PDZD8: variants seen among roughly 807,000 people sequenced by gnomAD.
PDZD8 encodes PDZ domain-containing protein 8.
PDZD8 carries 14 observed loss-of-function variants against 85.8 expected under a neutral mutation model. The observed-to-expected ratio is 0.16, with a 90% CI of 0.11 to 0.26. The LOEUF is 0.26. Among genes scored for constraint, PDZD8 ranks in the 10% least tolerant of loss-of-function variants. The pLI, the probability that PDZD8 is intolerant of heterozygous loss-of-function variation, is 1.00. For missense variants in PDZD8, 1,197 were observed against 1,424.3 expected, an observed-to-expected ratio of 0.84 and a Z score of 2.57; for synonymous variants, 592 against 568.6, an observed-to-expected ratio of 1.04 and a Z score of -0.59.
intron 3 of PDZD8, among the ~76,000 whole-genome samples, chr10:117,296,477 G>A (rs1240385438): frequency 1.3e-5 from 2 of 152,016 alleles, no homozygotes; most frequent in African/African-American, 2.4e-5. Context: ...ATCCCTGCAG[G>A]CATTTAGAGA....
intron 2 of PDZD8, among the ~76,000 whole-genome samples, chr10:117,326,491 C>G (rs935968995): frequency 5.9e-5 from 9 of 152,346 alleles, no homozygotes; most frequent in African/African-American, 1.9e-4. Context: ...CTTGCTTAAG[C>G]TTTCCTCTTT....
At chr10:117,333,117 CAAAAA>C (rs752527474) in intron 2 of PDZD8, among the ~76,000 whole-genome samples, 3 of 7,264 alleles carry the variant, frequency 4.1e-4, no homozygotes, top group East Asian at 2.6e-3. Flanking sequence ...GACTCTGTCT[CAAAAA>C]AAAAAAAAAA....
At chr10:117,348,162 T>A (rs1844741156) in intron 1 of PDZD8, among the ~76,000 whole-genome samples, 1 of 152,154 alleles carries the variant, frequency 6.6e-6, no homozygotes, top group South Asian at 2.1e-4. Flanking sequence ...TACCCAGAAA[T>A]AATTTTTCTT....
chr10:117,304,702 G>C (rs926136195), intron 3 of PDZD8, among the ~76,000 whole-genome samples: 10 of 152,128 alleles, frequency 6.6e-5, no homozygotes, highest in African/African-American at 2.4e-4. Context: ...ATAGCAAATA[G>C]TCTCAAGAGA....
In PDZD8 at chr10:117,285,144, G is replaced by A; in HGVS notation, c.1589C>T (p.Ser530Phe). The A allele has an allele frequency of 1.2e-6, 2 of 1,614,104 alleles. No homozygotes were observed. The highest frequency in any genetic ancestry group is 1.7e-6 in the Non-Finnish European group (2 of 1,179,954). ...HSPKRVPTTLSIKPLGAISPV... is the reference protein window; with the variant it reads ...HSPKRVPTTLFIKPLGAISPV... ...TGATATAGCTCCAAGGGGTTTAATAGAAAGTGTTGTTGGAACACGTTTGGG... is the reference window on the plus strand; with the variant it reads ...TGATATAGCTCCAAGGGGTTTAATAAAAAGTGTTGTTGGAACACGTTTGGG... The change falls in exon 5 of 5, where the codon TCT (serine) becomes TTT (phenylalanine). Residue 530 changes from serine (S) to phenylalanine (F), a missense_variant. By Grantham distance (155) the Ser-to-Phe change is radical. Transcript: ENST00000334464.
At position 117,283,185 on chromosome 10, in the gene PDZD8, C is replaced by G. The variant is rs575465203; in HGVS notation, c.*83G>C. On this transcript the variant is annotated 3_prime_UTR_variant, in exon 5 of 5. Coordinates refer to ENST00000334464, the MANE Select transcript of PDZD8 (RefSeq NM_173791.5). ...CTGGAGAAGCAGGCCAGAGTGCATA[C>G]GAGGATTTAAACATGGTTGTATCTG... The G allele has an allele frequency of 7.3e-7, 1 of 1,378,062 alleles. No homozygotes were observed. The highest frequency in any genetic ancestry group is 2.3e-5 in the East Asian group (1 of 43,454). 85.4% of individuals were successfully genotyped at this position (1,378,062 alleles called of 1,614,324 possible).
intron 1 of PDZD8, among the ~76,000 whole-genome samples, chr10:117,344,536 C>T (rs937808086): frequency 5.3e-5 from 8 of 152,080 alleles, no homozygotes; most frequent in African/African-American, 9.7e-5. Flanking sequence ...TACAGGCGCC[C>T]ACCACCACAC....
At chr10:117,349,245 C>T (rs1249533389) in intron 1 of PDZD8, among the ~76,000 whole-genome samples, 1 of 151,680 alleles carries the variant, frequency 6.6e-6, no homozygotes, top group Admixed American at 6.6e-5. Flanking sequence ...AAGGAAATCT[C>T]CAAGAAATAA....
intron 3 of PDZD8, among the ~76,000 whole-genome samples, chr10:117,309,886 T>C (rs993111171): frequency 1.1e-4 from 16 of 152,154 alleles, no homozygotes; most frequent in Admixed American, 9.8e-4. Flanking sequence ...ACTAAGGTCA[T>C]GCTGGAAAAA....
At position 117,304,133 on chromosome 10, in the gene PDZD8, T is replaced by C. The variant is rs538881032; in HGVS notation, c.1099-13785A>G. Among the ~76,000 whole-genome samples, 107 of 152,048 alleles carry C rather than the reference T, an allele frequency of 7.0e-4. 1 individual carries two copies. In the South Asian group the frequency reaches 0.017, roughly 24 times the overall value. ...CCCATGAAAACAGCTGTGAGGGAGA[T>C]TGTACCCTGTAAAGCCACAGAGGTG... is the stretch of plus-strand genomic sequence containing the variant. On this transcript the variant is annotated intron_variant, in intron 3 of 4. Coordinates refer to ENST00000334464, the MANE Select transcript of PDZD8 (RefSeq NM_173791.5).
rs1468919567 is a variant in PDZD8, at chr10:117,324,123, G to A, written c.996-5149C>T. Among the ~76,000 whole-genome samples, 6 of 145,650 alleles carry A rather than the reference G, an allele frequency of 4.1e-5. No individual in the cohort carries two copies. The South Asian group carries it at 1.1e-3, about 27-fold the overall frequency. On this transcript the variant is annotated intron_variant, in intron 2 of 4. Transcript: ENST00000334464. ...CACACCTGTAATCTCAGCCACTCAA[G>A]AGGCTGAGAGAGGAGAACTGCTTGA...
intron 1 of PDZD8, among the ~76,000 whole-genome samples, chr10:117,373,644 G>A (rs561963746): frequency 9.9e-4 from 149 of 150,674 alleles, no homozygotes; most frequent in Non-Finnish European, 1.8e-3. Context: ...GCAAGGCGTG[G>A]TGCCATACGC....
At position 117,363,760 on chromosome 10, in the gene PDZD8, A is replaced by G. The variant is rs543126997; in HGVS notation, c.872+10596T>C. On this transcript the variant is annotated intron_variant, in intron 1 of 4. Transcript: ENST00000334464. ...CTTTTCTATCAAAGTTATGCAAATC[A>G]AAGCCCAGACATTCAGTACCCCACC... Among the ~76,000 whole-genome samples the G allele has an allele frequency of 1.2e-4, 18 of 152,316 alleles. No homozygotes were observed. In the East Asian group the frequency reaches 3.5e-3, roughly 29 times the overall value.
At position 117,375,256 on chromosome 10, in the gene PDZD8, C is replaced by A; in HGVS notation, c.-29G>T. 7.0e-7 allele frequency: 1 copy of A among 1,433,232 alleles called. No homozygotes were observed. Among genetic ancestry groups the A allele is most frequent in the Admixed American group, 2.9e-5 (1 of 34,884 alleles). The allele number at this position is 1,433,232 out of a possible 1,614,324, so 88.8% of individuals were successfully genotyped here. A position where few individuals can be genotyped will look rare whatever the true frequency, so the allele number is the denominator to read the frequency against. Reference sequence around the variant, plus strand: ...GCCACCGCCTCCGCCCGGGCCCCTACTCCCGCGCCCACAGCGCCGCTTTCT... The same window carrying A: ...GCCACCGCCTCCGCCCGGGCCCCTAATCCCGCGCCCACAGCGCCGCTTTCT... On this transcript the variant is annotated 5_prime_UTR_variant, in exon 1 of 5. Transcript: ENST00000334464.
In PDZD8 at chr10:117,290,222, C is replaced by G. The variant is rs1361835631; in HGVS notation, c.1225G>C (p.Asp409His). Reference protein sequence around the residue: ...VAPNSPAAIADLQRGDRLIAI... With the variant: ...VAPNSPAAIAHLQRGDRLIAI... ...ATAAGTCGATCTCCCCGCTGAAGAT[C>G]TGCAATTGCAGCAGGCGAGTTTGGA... Residue 409 changes from aspartate to histidine, a missense_variant, in exon 4 of 5, where the codon GAT becomes CAT. Asp to His is a moderately conservative substitution (Grantham distance 81). Coordinates refer to ENST00000334464, the MANE Select transcript of PDZD8 (RefSeq NM_173791.5). 6.2e-7 allele frequency: 1 copy of G among 1,613,940 alleles called. No individual in the cohort carries two copies. Among genetic ancestry groups the G allele is most frequent in the Non-Finnish European group, 8.5e-7 (1 of 1,179,964 alleles).
chr10:117,363,016 G>A (rs1049351503), intron 1 of PDZD8, among the ~76,000 whole-genome samples: 5 of 152,038 alleles, frequency 3.3e-5, no homozygotes, highest in African/African-American at 1.2e-4. Flanking sequence ...GATATCACCT[G>A]TCCTAAATTT....
intron 3 of PDZD8, among the ~76,000 whole-genome samples, chr10:117,297,205 C>A (rs1200834051): frequency 6.6e-6 from 1 of 152,048 alleles, no homozygotes; most frequent in Non-Finnish European, 1.5e-5. Context: ...AATACAAATT[C>A]AAACCATGAG....
At chr10:117,324,799 G>A (rs192711715) in intron 2 of PDZD8, among the ~76,000 whole-genome samples, 24 of 152,156 alleles carry the variant, frequency 1.6e-4, no homozygotes, top group African/African-American at 4.6e-4. Flanking sequence ...TCAGTGTTTT[G>A]TTTTCCAGAT....
intron 2 of PDZD8, 80 bp downstream of exon 2, chr10:117,340,900 C>A: frequency 6.8e-7 from 1 of 1,469,926 alleles, no homozygotes; most frequent in Non-Finnish European, 9.2e-7. Flanking sequence ...TAAATGAACA[C>A]ACAACACAAA....
Sources: allele counts gnomAD v4.1 joint callset (sites outside exome capture counted in the v4.1 genomes callset), GRCh38; gene constraint gnomAD v4.1.1; transcripts MANE v1.5; gene names NCBI Gene and HGNC (gene_info 2026-07-23, HGNC 2026-07-21).